The following CAMK1D variants were observed in gnomAD, a reference collection of about 807,000 sequenced individuals.
The protein encoded by CAMK1D is calcium/calmodulin-dependent protein kinase type 1D.
In CAMK1D, 9 loss-of-function variants were observed where a neutral mutation model predicts 47.7. The observed-to-expected ratio is 0.19, with a 90% CI of 0.11 to 0.33. The LOEUF is 0.33. Among genes scored for constraint, CAMK1D ranks in the 10% least tolerant of loss-of-function variants. The pLI is 1.00. For synonymous variants in CAMK1D, 184 were observed against 184.9 expected, an observed-to-expected ratio of 0.99 and a Z score of 0.04; for missense variants, 291 against 488.7, an observed-to-expected ratio of 0.60 and a Z score of 3.81.
At chr10:12,471,319 C>A (rs888722124) in intron 1 of CAMK1D, among the ~76,000 whole-genome samples, 4 of 152,214 alleles carry the variant, frequency 2.6e-5, no homozygotes, top group African/African-American at 9.7e-5. Flanking sequence ...GGTTCTCTTT[C>A]ATGTTTACCT....
chr10:12,719,348 A>G (rs954320904), intron 3 of CAMK1D, among the ~76,000 whole-genome samples: 1 of 151,656 alleles, frequency 6.6e-6, no homozygotes, highest in East Asian at 1.9e-4. Flanking sequence ...TGGAGGTTGC[A>G]GTGAGCCGAG....
At chr10:12,367,095 C>T (rs1837859349) in intron 1 of CAMK1D, among the ~76,000 whole-genome samples, 1 of 152,110 alleles carries the variant, frequency 6.6e-6, no homozygotes, top group Admixed American at 6.6e-5. Flanking sequence ...CACAGACTTC[C>T]AGAGAGCTAA....
At chr10:12,562,616 T>A (rs1302140224) in intron 2 of CAMK1D, among the ~76,000 whole-genome samples, 2 of 152,232 alleles carry the variant, frequency 1.3e-5, no homozygotes, top group African/African-American at 4.8e-5. Flanking sequence ...TTCAGTTTAG[T>A]TCTCCTGAAA....
chr10:12,749,460 A>AG (rs1197014887), intron 3 of CAMK1D, among the ~76,000 whole-genome samples: 4 of 151,126 alleles, frequency 2.6e-5, no homozygotes, highest in Non-Finnish European at 5.9e-5. Context: ...AAAAAAAAAA[A>AG]AAAAGAAATC....
chr10:12,377,702 A>G (rs1838223809), intron 1 of CAMK1D, among the ~76,000 whole-genome samples: 1 of 152,166 alleles, frequency 6.6e-6, no homozygotes, highest in African/African-American at 2.4e-5. Context: ...GTTTCTTCAT[A>G]TTTTTAATGA....
chr10:12,645,532 C>G (rs1210934664), intron 2 of CAMK1D, among the ~76,000 whole-genome samples: 1 of 152,136 alleles, frequency 6.6e-6, no homozygotes, highest in East Asian at 1.9e-4. Context: ...TCAGCCCTGC[C>G]GTTTGCCTGC....
intron 2 of CAMK1D, among the ~76,000 whole-genome samples, chr10:12,665,892 C>A (rs1468502570): frequency 1.3e-5 from 2 of 152,252 alleles, no homozygotes; most frequent in Admixed American, 6.5e-5. Context: ...TGGGGCCAGA[C>A]CCCCAGGCGA....
chr10:12,408,607 G>A (rs1455403282), intron 1 of CAMK1D, among the ~76,000 whole-genome samples: 1 of 152,112 alleles, frequency 6.6e-6, no homozygotes, highest in African/African-American at 2.4e-5. Context: ...TCCAGTGCAC[G>A]TTGTGTGGGT....
chr10:12,626,138 CAT>C (rs1465207135), intron 2 of CAMK1D, among the ~76,000 whole-genome samples: 2 of 152,058 alleles, frequency 1.3e-5, no homozygotes, highest in Non-Finnish European at 2.9e-5. Context: ...AATTCATATG[CAT>C]ATGTGATTAG....
chr10:12,725,485 T>C (rs1349532262), intron 3 of CAMK1D: 1 of 154,448 alleles, frequency 6.5e-6, no homozygotes, highest in Admixed American at 6.5e-5. Flanking sequence ...AGCTCAAATA[T>C]ATGAATCCAA....
chr10:12,659,887 C>A (rs1840225576), intron 2 of CAMK1D, among the ~76,000 whole-genome samples: 1 of 152,156 alleles, frequency 6.6e-6, no homozygotes, highest in East Asian at 1.9e-4. Context: ...AGACTGTAAA[C>A]CCGGAAGTGC....
intron 5 of CAMK1D, among the ~76,000 whole-genome samples, chr10:12,777,227 G>A (rs1045666564): frequency 6.6e-6 from 1 of 152,160 alleles, no homozygotes. Context: ...GACAGAGAAG[G>A]GGCAGTGGGT....
At chr10:12,765,074 G>C (rs941058015) in intron 4 of CAMK1D, among the ~76,000 whole-genome samples, 4 of 152,102 alleles carry the variant, frequency 2.6e-5, no homozygotes, top group African/African-American at 9.7e-5. Context: ...TAGCCTGGGT[G>C]ACAGAGAGAG....
At chr10:12,411,191 C>T (rs1041453062) in intron 1 of CAMK1D, among the ~76,000 whole-genome samples, 4 of 152,172 alleles carry the variant, frequency 2.6e-5, no homozygotes, top group African/African-American at 4.8e-5. Flanking sequence ...GGGACGACCT[C>T]GACTAGCCCG....
intron 2 of CAMK1D, among the ~76,000 whole-genome samples, chr10:12,651,450 G>A (rs1304686116): frequency 6.6e-6 from 1 of 152,168 alleles, no homozygotes; most frequent in Non-Finnish European, 1.5e-5. Context: ...GGAGTGCAGT[G>A]GTGCAGTCAT....
chr10:12,423,127 G>A (rs1226446007), intron 1 of CAMK1D, among the ~76,000 whole-genome samples: 2 of 152,134 alleles, frequency 1.3e-5, no homozygotes, highest in African/African-American at 4.8e-5. Flanking sequence ...TGTTGATGCC[G>A]CTTCTGTGTT....
chr10:12,506,059 C>T (rs1201208531), intron 1 of CAMK1D, among the ~76,000 whole-genome samples: 8 of 152,172 alleles, frequency 5.3e-5, no homozygotes, highest in Non-Finnish European at 7.4e-5. Context: ...TTTATTTTCC[C>T]GTCCATGTAA....
At chr10:12,417,711 G>A (rs550736946) in intron 1 of CAMK1D, among the ~76,000 whole-genome samples, 18 of 152,320 alleles carry the variant, frequency 1.2e-4, no homozygotes, top group African/African-American at 3.4e-4. Context: ...CAAGGAACAC[G>A]GAGGTCCTGC....
chr10:12,617,257 ATGT>A (rs1468825840), intron 2 of CAMK1D, among the ~76,000 whole-genome samples: 7 of 152,354 alleles, frequency 4.6e-5, no homozygotes, highest in Middle Eastern at 6.8e-3. Flanking sequence ...TTATTTTAAA[ATGT>A]TGTAATTTTT....
Sources: allele counts gnomAD v4.1 joint callset (sites outside exome capture counted in the v4.1 genomes callset), GRCh38; gene constraint gnomAD v4.1.1; transcripts MANE v1.5; gene names NCBI Gene and HGNC (gene_info 2026-07-23, HGNC 2026-07-21).